The following PDE7A variants were observed in gnomAD, a reference collection of about 807,000 sequenced individuals.
The protein encoded by PDE7A is high affinity 3',5'-cyclic-AMP phosphodiesterase 7A.
In PDE7A, 39 loss-of-function variants were observed where a neutral mutation model predicts 64.3. The ratio of observed to expected loss-of-function variants is 0.61; its 90% CI spans 0.47 to 0.79. The LOEUF (loss-of-function observed/expected upper bound fraction) is 0.79. PDE7A is among the 30% of genes least tolerant of loss of function. The pLI, the probability that PDE7A is intolerant of heterozygous loss-of-function variation, is 0.00. For synonymous variants in PDE7A, 203 were observed against 206.8 expected (o/e 0.98, Z 0.16); for missense variants, 470 against 582.8 (o/e 0.81, Z 1.99).
chr8:65,768,830 T>C (rs1808929187), intron 3 of PDE7A, among the ~76,000 whole-genome samples: 1 of 152,242 alleles, frequency 6.6e-6, no homozygotes, highest in East Asian at 1.9e-4. Flanking sequence ...TGTGCTAGAA[T>C]AATAGATAAT....
rs1042206703 is a variant in PDE7A, at chr8:65,718,999, G to A, written c.*291C>T. ...GAAGATTAGATGCTTTGAAAAAGTC[G>A]TGGCACATATCAAAACTTCCTTTGT... On this transcript the variant is annotated 3_prime_UTR_variant, in exon 13 of 13. Transcript: ENST00000401827. The A allele has an allele frequency of 1.7e-5, 7 of 420,420 alleles. No individual in the cohort carries two copies. Among genetic ancestry groups the A allele is most frequent in the Admixed American group, 7.3e-5 (2 of 27,492 alleles). The allele number at this position is 420,420 out of a possible 1,614,324, so 26.0% of individuals were successfully genotyped here. A position where few individuals can be genotyped will look rare whatever the true frequency, so the allele number is the denominator to read the frequency against.
chr8:65,817,455 T>C (rs1174599849), intron 1 of PDE7A, among the ~76,000 whole-genome samples: 1 of 152,074 alleles, frequency 6.6e-6, no homozygotes, highest in Non-Finnish European at 1.5e-5. Flanking sequence ...ATATAGACTT[T>C]ATTTGTCACC....
rs1025211701 is a variant in PDE7A, at chr8:65,841,238, C to A, written c.138+133G>T. On this transcript the variant is annotated intron_variant, in intron 1 of 12. Transcript: ENST00000401827. The stretch of plus-strand genomic sequence containing the variant: ...ATATTCAAAGAAAAGGCTCTGCAAT[C>A]GAAAGGCCAGCCTAGAAATCCCCAG... 3.7e-6 allele frequency: 4 copies of A among 1,075,342 alleles called. No homozygotes were observed. The East Asian group carries it at 1.2e-4, about 33-fold the overall frequency. The allele number at this position is 1,075,342 out of a possible 1,614,324, so 66.6% of individuals were successfully genotyped here.
At position 65,734,812 on chromosome 8, in the gene PDE7A, A is replaced by G. The variant is rs1388114983; in HGVS notation, c.678T>C (p.Cys226=). ...HAADVTQAMH[C]YLKEPKLANS... ...CTCTTACCTTAGGTTCCTTTAAGTA[A>G]CAGTGCATGGCCTGAGTAACATCCG... The change falls in exon 7 of 13, where the codon TGT becomes TGC. Residue 226 remains cysteine (C), a synonymous_variant. Coordinates refer to ENST00000401827, the MANE Select transcript of PDE7A (RefSeq NM_001242318.3). 2.5e-6 allele frequency: 4 copies of G among 1,599,414 alleles called. No individual in the cohort carries two copies. The Admixed American group carries it at 6.7e-5, about 27-fold the overall frequency.
rs756303754 is a variant in PDE7A at position 65,841,502 on chromosome 8, C to T, written c.7G>A (p.Val3Met). 2.6e-6 allele frequency: 4 copies of T among 1,536,656 alleles called. No individual in the cohort carries two copies. Among genetic ancestry groups the T allele is most frequent in the Middle Eastern group, 2.1e-4 (1 of 4,806 alleles). Residue 3 changes from valine (V) to methionine (M), a missense_variant, in exon 1 of 13, where the codon GTG (valine) becomes ATG (methionine). Transcript: ENST00000401827. MEVCYQLPVLPLD... is the reference protein window; with the variant it reads MEMCYQLPVLPLD... ...GGCAGTACCGGCAGCTGGTAACACA[C>T]TTCCATTGAATACGCCCGCCCTGCC...
At chr8:65,754,705 G>A (rs911494217) in intron 3 of PDE7A, among the ~76,000 whole-genome samples, 4 of 149,260 alleles carry the variant, frequency 2.7e-5, no homozygotes, top group African/African-American at 9.8e-5. Context: ...AGTGGCTCAC[G>A]CCTGTAATCC....
At chr8:65,764,493 T>A (rs1278799864) in intron 3 of PDE7A, among the ~76,000 whole-genome samples, 1 of 152,174 alleles carries the variant, frequency 6.6e-6, no homozygotes, top group East Asian at 1.9e-4. Context: ...TGCAGTACAG[T>A]ATGAAAGTTA....
At chr8:65,806,286 A>T (rs1008171742) in intron 1 of PDE7A, among the ~76,000 whole-genome samples, 4 of 132,096 alleles carry the variant, frequency 3.0e-5, no homozygotes, top group African/African-American at 1.0e-4. Flanking sequence ...AATTTGTAGT[A>T]AAAAAAAAAG....
chr8:65,831,706 G>T (rs1279905792), intron 1 of PDE7A, among the ~76,000 whole-genome samples: 1 of 151,654 alleles, frequency 6.6e-6, no homozygotes, highest in Admixed American at 6.6e-5. Context: ...TCAAACCCTT[G>T]GAGACTATCC....
At chr8:65,821,557 C>T (rs1810542344) in intron 1 of PDE7A, among the ~76,000 whole-genome samples, 1 of 152,096 alleles carries the variant, frequency 6.6e-6, no homozygotes, top group Non-Finnish European at 1.5e-5. Flanking sequence ...TGTGTATAAC[C>T]CTGTAATATA....
At chr8:65,730,307 A>G (rs760866069) in intron 7 of PDE7A, among the ~76,000 whole-genome samples, 7 of 147,412 alleles carry the variant, frequency 4.7e-5, no homozygotes, top group Non-Finnish European at 1.0e-4. Context: ...CAGCCTCCCA[A>G]GTAGCTGGTA....
chr8:65,727,095 CTTTCA>C, intron 8 of PDE7A, 70 bp downstream of exon 8: 6 of 1,071,166 alleles, frequency 5.6e-6, no homozygotes, highest in South Asian at 2.7e-5. Flanking sequence ...ATTTTCATTA[CTTTCA>C]TTTCTTCAAA....
At chr8:65,799,341 T>G (rs1258561295) in intron 1 of PDE7A, among the ~76,000 whole-genome samples, 1 of 152,140 alleles carries the variant, frequency 6.6e-6, no homozygotes, top group African/African-American at 2.4e-5. Context: ...ACAAGAGGGT[T>G]GAGACCACAG....
At chr8:65,726,188 G>C (rs746594833) in intron 9 of PDE7A, among the ~76,000 whole-genome samples, 1 of 152,170 alleles carries the variant, frequency 6.6e-6, no homozygotes, top group African/African-American at 2.4e-5. Flanking sequence ...TTGCTGACGT[G>C]CATTTTCCCT....
intron 1 of PDE7A, among the ~76,000 whole-genome samples, chr8:65,826,490 C>G (rs1472943360): frequency 6.6e-6 from 1 of 152,180 alleles, no homozygotes; most frequent in Non-Finnish European, 1.5e-5. Flanking sequence ...CATCACTTAA[C>G]TTCATATAAC....
At chr8:65,798,128 G>C (rs1809887558) in intron 1 of PDE7A, among the ~76,000 whole-genome samples, 1 of 146,674 alleles carries the variant, frequency 6.8e-6, no homozygotes, top group Admixed American at 6.8e-5. Context: ...ACCAAAAAAA[G>C]GCAGAATAAA....
intron 6 of PDE7A, 23 bp from the exon 7 acceptor site, chr8:65,734,917 G>A (rs539986176): frequency 2.0e-5 from 29 of 1,439,222 alleles, no homozygotes; most frequent in Non-Finnish European, 2.4e-5. Context: ...AAGAGATCCC[G>A]ATTTTATTGT....
intron 1 of PDE7A, among the ~76,000 whole-genome samples, chr8:65,834,930 C>T (rs74506480): frequency 0.057 from 8,688 of 152,260 alleles, 356 homozygotes; most frequent in Middle Eastern, 0.11. Context: ...TTGTTCCTCT[C>T]CTCATATGCT....
At chr8:65,771,787 A>G (rs2128920922) in intron 3 of PDE7A, among the ~76,000 whole-genome samples, 3 of 150,502 alleles carry the variant, frequency 2.0e-5, no homozygotes, top group African/African-American at 7.3e-5. Context: ...AGGCAGGAGA[A>G]TCGCTTGAAC....
Sources: allele counts gnomAD v4.1 joint callset (sites outside exome capture counted in the v4.1 genomes callset), GRCh38; gene constraint gnomAD v4.1.1; transcripts MANE v1.5; gene names NCBI Gene and HGNC (gene_info 2026-07-23, HGNC 2026-07-21).